The following IL19 variants were observed in gnomAD, a reference collection of about 807,000 sequenced individuals.
The protein encoded by IL19 is interleukin-19.
IL19 carries 15 observed loss-of-function variants against 19.5 expected under a neutral mutation model. That is an observed-to-expected ratio of 0.77 (90% confidence interval 0.52 to 1.19). The LOEUF (loss-of-function observed/expected upper bound fraction) is 1.19, where lower values mean the gene tolerates loss of function less well. IL19 is among the 50% of genes most tolerant of loss of function. The probability of loss-of-function intolerance (pLI) is 0.00; values close to 1 mark genes in which losing one functional copy is unlikely to be tolerated. For synonymous variants in IL19, 78 were observed against 78.3 expected (o/e 1.00, Z 0.02); for missense variants, 199 against 213.1 (o/e 0.93, Z 0.41).
chr1:206,837,267 G>C (rs1348505814), intron 4 of IL19, among the ~76,000 whole-genome samples: 1 of 152,088 alleles, frequency 6.6e-6, no homozygotes, highest in Non-Finnish European at 1.5e-5. Flanking sequence ...GGTGCTCAGA[G>C]GGGACAGGAT....
chr1:206,797,964 G>A (rs1248585373), intron 1 of IL19, among the ~76,000 whole-genome samples: 1 of 152,188 alleles, frequency 6.6e-6, no homozygotes, highest in East Asian at 1.9e-4. Context: ...GCTAGCTAGT[G>A]GCAGAGCCGT....
At chr1:206,833,583 A>T (rs1676682622) in intron 2 of IL19, 1 of 756,358 alleles carries the variant, frequency 1.3e-6, no homozygotes, top group African/African-American at 1.9e-5. Flanking sequence ...CCCAAACCTG[A>T]TCCCTAGAGA....
chr1:206,822,242 T>C (rs1372135434), intron 2 of IL19, among the ~76,000 whole-genome samples: 4 of 152,006 alleles, frequency 2.6e-5, no homozygotes, highest in African/African-American at 9.7e-5. Context: ...GAAACACCCC[T>C]GGGTAGAAGG....
intron 1 of IL19, among the ~76,000 whole-genome samples, chr1:206,773,104 G>A (rs1234504443): frequency 2.0e-5 from 3 of 152,084 alleles, no homozygotes; most frequent in East Asian, 1.9e-4. Context: ...CCTTTACCCC[G>A]ATTTCATTAG....
intron 4 of IL19, among the ~76,000 whole-genome samples, chr1:206,837,981 T>C (rs1019563075): frequency 1.3e-5 from 2 of 152,212 alleles, no homozygotes; most frequent in African/African-American, 4.8e-5. Context: ...TTAGGATTTC[T>C]GTGGCTTAGG....
intron 2 of IL19, among the ~76,000 whole-genome samples, chr1:206,810,492 C>A (rs1343952165): frequency 6.6e-6 from 1 of 152,170 alleles, no homozygotes. Flanking sequence ...GAGGACAATC[C>A]TTTCATAAAG....
intron 2 of IL19, among the ~76,000 whole-genome samples, chr1:206,831,584 A>T (rs995601559): frequency 3.3e-5 from 5 of 152,200 alleles, no homozygotes; most frequent in Non-Finnish European, 7.3e-5. Flanking sequence ...TATAAAATTG[A>T]TAATAAATGT....
chr1:206,792,474 T>G (rs559297986), intron 1 of IL19, among the ~76,000 whole-genome samples: 1 of 152,224 alleles, frequency 6.6e-6, no homozygotes, highest in Non-Finnish European at 1.5e-5. Context: ...TTTTTTTTTC[T>G]GAGATGGAGT....
intron 4 of IL19, 148 bp from the exon 5 acceptor site, chr1:206,839,702 G>A (rs532881652): frequency 6.2e-5 from 43 of 695,170 alleles, no homozygotes; most frequent in Non-Finnish European, 9.1e-5. Flanking sequence ...GGGAATAAGA[G>A]AGGATGAACA....
At chr1:206,840,921 C>G in intron 5 of IL19, 83 bp from the exon 6 acceptor site, 1 of 1,118,362 alleles carries the variant, frequency 8.9e-7, no homozygotes, top group Non-Finnish European at 1.4e-6. Context: ...GGAGAAATGT[C>G]ACTTCTCATG....
chr1:206,774,390 G>C (rs535586158), intron 1 of IL19, among the ~76,000 whole-genome samples: 1 of 152,234 alleles, frequency 6.6e-6, no homozygotes, highest in Non-Finnish European at 1.5e-5. Flanking sequence ...CCAGGAAGCA[G>C]AGAGAAGGGG....
chr1:206,771,909 G>A (rs1024755668), intron 1 of IL19, among the ~76,000 whole-genome samples: 1 of 152,238 alleles, frequency 6.6e-6, no homozygotes, highest in Non-Finnish European at 1.5e-5. Flanking sequence ...TCTAAGCAGA[G>A]GCAATTTAAA....
At chr1:206,814,244 A>T (rs1343692485) in intron 2 of IL19, among the ~76,000 whole-genome samples, 1 of 152,116 alleles carries the variant, frequency 6.6e-6, no homozygotes, top group Non-Finnish European at 1.5e-5. Context: ...AACGGCAATT[A>T]TGAGCACAGA....
In IL19 at chr1:206,798,881, A is replaced by G; in HGVS notation, c.-128A>G. ...CATAGAGCGGTGCTTGCACACACTG[A>G]CAGGAGTCCAAGAATGTGCACTGAG... is the stretch of plus-strand genomic sequence containing the variant. On this transcript the variant is annotated 5_prime_UTR_variant, in exon 2 of 7. Coordinates refer to ENST00000659997, the MANE Select transcript of IL19 (RefSeq NM_153758.5). The G allele has an allele frequency of 6.3e-7, 1 of 1,585,222 alleles. No homozygotes were observed.
At chr1:206,813,453 G>GAC (rs1294080582) in intron 2 of IL19, among the ~76,000 whole-genome samples, 1 of 152,088 alleles carries the variant, frequency 6.6e-6, no homozygotes, top group African/African-American at 2.4e-5. Flanking sequence ...GTCCCTTGGG[G>GAC]ACACCAGCAA....
intron 2 of IL19, chr1:206,834,147 T>C (rs559672819): frequency 5.1e-6 from 5 of 985,564 alleles, no homozygotes; most frequent in South Asian, 4.7e-5. Flanking sequence ...AGAAGCTGCA[T>C]GTCAAGACCC....
At chr1:206,838,499 T>C (rs1159867868) in intron 4 of IL19, among the ~76,000 whole-genome samples, 1 of 152,212 alleles carries the variant, frequency 6.6e-6, no homozygotes, top group Non-Finnish European at 1.5e-5. Flanking sequence ...AACTGTATTA[T>C]AGACACAGAA....
Position 206,815,504 on chromosome 1 carries a change from T to C in IL19, c.-3+16498T>C, listed in dbSNP as rs144194169. On this transcript the variant is annotated intron_variant, in intron 2 of 6. Coordinates refer to ENST00000659997, the MANE Select transcript of IL19 (RefSeq NM_153758.5). Reference sequence around the variant, plus strand: ...TGTAGTTCTCTTTGGATTGGGTGGATTTAGTCACACAAGTCCTTTTAAAAT... The same window carrying C: ...TGTAGTTCTCTTTGGATTGGGTGGACTTAGTCACACAAGTCCTTTTAAAAT... Among the ~76,000 whole-genome samples, 242 of 152,332 alleles carry C rather than the reference T, an allele frequency of 1.6e-3. 3 individuals carry two copies. The highest frequency in any genetic ancestry group is 5.7e-3 in the African/African-American group (235 of 41,580).
chr1:206,842,509 A>C lies in IL19; in HGVS notation c.439-18A>C. ...ACAGTCTAGAAAGGTGGGTTCTTACATTGATCTCTGATTTCAGCTGGAGGT... is the reference window on the plus strand; with the variant it reads ...ACAGTCTAGAAAGGTGGGTTCTTACCTTGATCTCTGATTTCAGCTGGAGGT... On this transcript the variant is annotated intron_variant, in intron 6 of 6. Transcript: ENST00000659997. 6.7e-7 allele frequency: 1 copy of C among 1,502,322 alleles called. No individual in the cohort carries two copies. Among genetic ancestry groups the C allele is most frequent in the Non-Finnish European group, 9.1e-7 (1 of 1,099,894 alleles). The allele number at this position is 1,502,322 out of a possible 1,614,324, so 93.1% of individuals were successfully genotyped here. A position where few individuals can be genotyped will look rare whatever the true frequency, so the allele number is the denominator to read the frequency against.
Sources: gnomAD v4.1 joint callset for allele counts (sites outside exome capture counted in the v4.1 genomes callset) on GRCh38, gnomAD v4.1.1 for gene constraint, MANE v1.5 for transcripts, NCBI Gene and HGNC (gene_info 2026-07-23, HGNC 2026-07-21) for gene names.